The following MRPL27 variants were observed in gnomAD, a reference collection of about 807,000 sequenced individuals.
The protein encoded by MRPL27 is mitochondrial ribosomal protein L27.
Under a neutral mutation model 14.6 loss-of-function variants are expected in MRPL27, and 4 were observed. The observed-to-expected ratio is 0.27, with a 90% CI of 0.14 to 0.63. MRPL27 has a LOEUF of 0.63. Among genes scored for constraint, MRPL27 ranks in the 20% least tolerant of loss-of-function variants. MRPL27 has a pLI of 0.85. For missense variants in MRPL27, 196 were observed against 192.8 expected (o/e 1.02, Z -0.10); for synonymous variants, 82 against 75.5 (o/e 1.09, Z -0.45).
At chr17:50,370,698 G>GTGGCACTTCTGCTCCCCT in intron 1 of MRPL27, 112 bp from the exon 2 acceptor site, 3 of 1,488,508 alleles carry the variant, frequency 2.0e-6, no homozygotes, top group Non-Finnish European at 2.8e-6. Flanking sequence ...AGCTGTGTCA[G>GTGGCACTTCTGCTCCCCT]GGGAGCAGAA....
chr17:50,371,280 G>A (rs986164913), intron 1 of MRPL27: 4 of 152,334 alleles, frequency 2.6e-5, no homozygotes, highest in African/African-American at 9.7e-5. Context: ...TTTCTCAGCT[G>A]TCCACTCATC....
intron 1 of MRPL27, among the ~76,000 whole-genome samples, chr17:50,372,252 T>C (rs1913181381): frequency 6.8e-6 from 1 of 146,296 alleles, no homozygotes; most frequent in African/African-American, 2.6e-5. Context: ...ATTCTTTTTT[T>C]TTTGGGGGGG....
intron 1 of MRPL27, chr17:50,370,882 T>G (rs1166905526): frequency 9.2e-6 from 3 of 327,644 alleles, no homozygotes; most frequent in African/African-American, 6.4e-5. Flanking sequence ...ACCAGAGAGC[T>G]GCCTGCTTCA....
At chr17:50,373,031 CA>C in intron 1 of MRPL27, 99 bp downstream of exon 1, 2 of 1,535,244 alleles carry the variant, frequency 1.3e-6, no homozygotes, top group Non-Finnish European at 1.8e-6. Context: ...CCCTCGCATC[CA>C]AGGTCCTCCG....
Position 50,373,136 on chromosome 17 carries a change from G to C in MRPL27, c.35C>G (p.Thr12Arg). Residue 12 changes from threonine to arginine, a missense_variant, in exon 1 of 4, where the codon ACA (threonine) becomes AGA (arginine). Physicochemically the swap from Thr to Arg is moderately conservative, Grantham distance 71. Coordinates refer to ENST00000225969, the MANE Select transcript of MRPL27 (RefSeq NM_016504.3). ...ASVVLALRTR[T>R]AVTSLLSPTP... ...TGACTACTGCGTCCCATTACCGGCT[G>C]TCCGGGTCCTCAGCGCCAACACCAC... The C allele has an allele frequency of 1.2e-6, 2 of 1,614,156 alleles. No homozygotes were observed. The highest frequency in any genetic ancestry group is 1.7e-6 in the Non-Finnish European group (2 of 1,180,038).
Position 50,373,177 on chromosome 17 carries a change from G to T in MRPL27, c.-7C>A. The T allele has an allele frequency of 6.2e-7, 1 of 1,609,484 alleles. No homozygotes were observed. The highest frequency in any genetic ancestry group is 8.5e-7 in the Non-Finnish European group (1 of 1,176,798). ...CCAACACCACCGACGCCATGCTTTCGATCACTCACTTCCGGTCTCGAAAAG... is the reference window on the plus strand; with the variant it reads ...CCAACACCACCGACGCCATGCTTTCTATCACTCACTTCCGGTCTCGAAAAG... On this transcript the variant is annotated 5_prime_UTR_variant, in exon 1 of 4. Coordinates refer to ENST00000225969, the MANE Select transcript of MRPL27 (RefSeq NM_016504.3).
At position 50,367,899 on chromosome 17, in the gene MRPL27, C is replaced by T; in HGVS notation, c.*193G>A. ...AAATAGCATGCGTTCATGACGCTGGCTCACTTTATTTTTGGCCCCAGGTCA... is the reference window on the plus strand; with the variant it reads ...AAATAGCATGCGTTCATGACGCTGGTTCACTTTATTTTTGGCCCCAGGTCA... On this transcript the variant is annotated 3_prime_UTR_variant, in exon 4 of 4. Transcript: ENST00000225969. 2 of 620,412 alleles carry T rather than the reference C, an allele frequency of 3.2e-6. No homozygotes were observed. The highest frequency in any genetic ancestry group is 2.0e-5 in the South Asian group (1 of 50,598). The allele number at this position is 620,412 out of a possible 1,614,324, so 38.4% of individuals were successfully genotyped here. A position where few individuals can be genotyped will look rare whatever the true frequency, so the allele number is the denominator to read the frequency against.
At chr17:50,369,286 T>C (rs1913055457) in intron 3 of MRPL27, 1 of 164,292 alleles carries the variant, frequency 6.1e-6, no homozygotes, top group African/African-American at 2.4e-5. Flanking sequence ...TTCTAAAAGG[T>C]AAAAAGCTAC....
chr17:50,373,092 T>A, intron 1 of MRPL27, 39 bp downstream of exon 1: 3 of 1,613,220 alleles, frequency 1.9e-6, no homozygotes, highest in Non-Finnish European at 2.5e-6. Context: ...CCACTCTGCC[T>A]CCCCGCCTCA....
chr17:50,368,007 T>G lies in MRPL27; in HGVS notation c.*85A>C. ...AGCAGACCTCTTCCTCGGGAGGCCG[T>G]GTCGCCACCCCAACCCTTGACTTCT... On this transcript the variant is annotated 3_prime_UTR_variant, in exon 4 of 4. Transcript: ENST00000225969. The G allele has an allele frequency of 1.4e-6, 2 of 1,451,848 alleles. No homozygotes were observed. The highest frequency in any genetic ancestry group is 1.9e-6 in the Non-Finnish European group (2 of 1,050,050). The allele number at this position is 1,451,848 out of a possible 1,614,324, so 89.9% of individuals were successfully genotyped here.
At position 50,368,234 on chromosome 17, in the gene MRPL27, T is replaced by A. The variant is rs1039011080; in HGVS notation, c.305A>T (p.Glu102Val). 5 of 1,614,030 alleles carry A rather than the reference T, an allele frequency of 3.1e-6. No individual in the cohort carries two copies. In the African/African-American group the frequency reaches 4.0e-5, roughly 13 times the overall value. ...LEEGIVRYTK[E>V]VYVPHPRNTE... ...GTTTCTGGGATGAGGCACGTAGACCTCCTTAGTGTAGCGGACTATCCCCTC... is the reference window on the plus strand; with the variant it reads ...GTTTCTGGGATGAGGCACGTAGACCACCTTAGTGTAGCGGACTATCCCCTC... The change falls in exon 4 of 4, where the codon GAG (glutamate) becomes GTG (valine). Residue 102 changes from glutamate (E) to valine (V), a missense_variant. By Grantham distance (121) the Glu-to-Val change is moderately radical. Coordinates refer to ENST00000225969, the MANE Select transcript of MRPL27 (RefSeq NM_016504.3).
At chr17:50,371,518 G>C (rs998890444) in intron 1 of MRPL27, among the ~76,000 whole-genome samples, 15 of 152,182 alleles carry the variant, frequency 9.9e-5, no homozygotes, top group African/African-American at 3.4e-4. Context: ...TTCATACTAA[G>C]ATGGTAGTCC....
intron 1 of MRPL27, chr17:50,370,962 G>A (rs1489549264): frequency 1.8e-5 from 3 of 170,090 alleles, no homozygotes; most frequent in Non-Finnish European, 3.8e-5. Context: ...CATCCAGAAA[G>A]GCTTCGGTTT....
At chr17:50,369,196 G>C (rs188184522) in intron 3 of MRPL27, 10 of 308,870 alleles carry the variant, frequency 3.2e-5, no homozygotes, top group Admixed American at 9.6e-5. Flanking sequence ...CAATCATAAA[G>C]GGCCTAGAAT....
chr17:50,368,030 T>G lies in MRPL27; in HGVS notation c.*62A>C. Reference sequence around the variant, plus strand: ...CGTGTCGCCACCCCAACCCTTGACTTCTGGTATCACCATCTCCTGTCACCT... The same window carrying G: ...CGTGTCGCCACCCCAACCCTTGACTGCTGGTATCACCATCTCCTGTCACCT... On this transcript the variant is annotated 3_prime_UTR_variant, in exon 4 of 4. Coordinates refer to ENST00000225969, the MANE Select transcript of MRPL27 (RefSeq NM_016504.3). The G allele has an allele frequency of 6.3e-7, 1 of 1,586,072 alleles. No homozygotes were observed. Among genetic ancestry groups the G allele is most frequent in the Non-Finnish European group, 8.6e-7 (1 of 1,158,708 alleles).
intron 1 of MRPL27, among the ~76,000 whole-genome samples, chr17:50,371,523 T>C (rs1195956838): frequency 1.3e-5 from 2 of 152,208 alleles, no homozygotes; most frequent in Non-Finnish European, 2.9e-5. Flanking sequence ...ACTAAGATGG[T>C]AGTCCCTTGC....
At chr17:50,370,128 C>A (rs1265219066) in intron 2 of MRPL27, 29 bp from the exon 3 acceptor site, 1 of 1,585,318 alleles carries the variant, frequency 6.3e-7, no homozygotes, top group Admixed American at 1.8e-5. Flanking sequence ...GTGACTGGGG[C>A]AGCATAGCAA....
chr17:50,371,224 C>T (rs1485271013), intron 1 of MRPL27: 4 of 152,612 alleles, frequency 2.6e-5, no homozygotes, highest in African/African-American at 9.6e-5. Context: ...GAACTCCTGA[C>T]CTCAGGTGAT....
At chr17:50,370,713 C>A in intron 1 of MRPL27, 127 bp from the exon 2 acceptor site, 1 of 1,326,484 alleles carries the variant, frequency 7.5e-7, no homozygotes, top group Non-Finnish European at 1.1e-6. Context: ...GCAGAAGTGC[C>A]ACTGAGTGTA....
Sources: allele counts gnomAD v4.1 joint callset (sites outside exome capture counted in the v4.1 genomes callset), GRCh38; gene constraint gnomAD v4.1.1; transcripts MANE v1.5; gene names NCBI Gene and HGNC (gene_info 2026-07-23, HGNC 2026-07-21).